SV2C: variants seen among roughly 807,000 people sequenced by gnomAD.
SV2C encodes the protein solute carrier family 22 member B3.
SV2C carries 49 observed loss-of-function variants against 79.7 expected under a neutral mutation model. The ratio of observed to expected loss-of-function variants is 0.61; its 90% confidence interval spans 0.49 to 0.78. The LOEUF is 0.78. Among genes scored for constraint, SV2C ranks in the 30% least tolerant of loss-of-function variants. The pLI, the probability that SV2C is intolerant of heterozygous loss-of-function variation, is 0.00. For missense variants in SV2C, 833 were observed against 912.9 expected (o/e 0.91, Z 1.13); for synonymous variants, 334 against 333.2 (o/e 1.00, Z -0.03).
At chr5:75,944,795 T>A in the SV2C span, among the ~76,000 whole-genome samples, 1 of 152,130 alleles carries the variant, frequency 6.6e-6, no homozygotes. Flanking sequence ...CCATTTCTTT[T>A]ACAGTTTTTA....
intron 4 of SV2C, among the ~76,000 whole-genome samples, chr5:76,263,779 A>G (rs1746556860): frequency 6.6e-6 from 1 of 152,114 alleles, no homozygotes; most frequent in South Asian, 2.1e-4. Flanking sequence ...AGAATGTTGA[A>G]TATTGGCTCC....
intron 2 of SV2C, among the ~76,000 whole-genome samples, chr5:76,194,572 G>T (rs1427043052): frequency 6.6e-6 from 1 of 152,170 alleles, no homozygotes; most frequent in Non-Finnish European, 1.5e-5. Flanking sequence ...CCCAGGCAAA[G>T]GTTGACCACC....
chr5:75,950,606 T>C, the SV2C span, among the ~76,000 whole-genome samples: 1 of 152,022 alleles, frequency 6.6e-6, no homozygotes, highest in African/African-American at 2.4e-5. Context: ...TATAGACATA[T>C]TGCTTTGAGA....
the SV2C span, among the ~76,000 whole-genome samples, chr5:75,914,391 G>T: frequency 6.6e-6 from 1 of 152,088 alleles, no homozygotes; most frequent in African/African-American, 2.4e-5. Context: ...ATGATGAAGG[G>T]AACTAGCATA....
chr5:76,044,443 G>A, the SV2C span, among the ~76,000 whole-genome samples: 1 of 152,268 alleles, frequency 6.6e-6, no homozygotes, highest in Admixed American at 6.5e-5. Context: ...GGATTGCTGG[G>A]TCAAATGGTA....
At chr5:76,239,274 AATG>A (rs1745708631) in intron 4 of SV2C, among the ~76,000 whole-genome samples, 1 of 152,182 alleles carries the variant, frequency 6.6e-6, no homozygotes, top group African/African-American at 2.4e-5. Flanking sequence ...GAAATGACAG[AATG>A]ATATTTAGTC....
intron 1 of SV2C, among the ~76,000 whole-genome samples, chr5:76,118,989 A>G (rs766135208): frequency 2.0e-5 from 3 of 152,204 alleles, no homozygotes; most frequent in Non-Finnish European, 4.4e-5. Context: ...TCTTAAAAAG[A>G]AAAGAAAAGG....
chr5:76,137,388 C>A lies in SV2C; in HGVS notation c.580+5058C>A, dbSNP rs147057769. Among the ~76,000 whole-genome samples the A allele has an allele frequency of 9.2e-5, 14 of 152,154 alleles. No homozygotes were observed. The East Asian group carries it at 1.2e-3, about 13-fold the overall frequency. ...AAATTTGGTGAATGAGAAAGATAAG[C>A]AGGTAGTTGAGGATGATAGCCAAGG... On this transcript the variant is annotated intron_variant, in intron 2 of 12. Transcript: ENST00000502798.
intron 4 of SV2C, among the ~76,000 whole-genome samples, chr5:76,284,676 A>C (rs1747292702): frequency 6.6e-6 from 1 of 152,198 alleles, no homozygotes; most frequent in Admixed American, 6.5e-5. Flanking sequence ...GAAGGGAAGC[A>C]AGGGAAATAA....
the SV2C span, among the ~76,000 whole-genome samples, chr5:75,888,486 TAC>T: frequency 6.6e-6 from 1 of 152,176 alleles, no homozygotes; most frequent in South Asian, 2.1e-4. Context: ...CTTCCCCAAA[TAC>T]ACACATTTTC....
intron 12 of SV2C, among the ~76,000 whole-genome samples, chr5:76,351,109 G>A (rs538186095): frequency 9.9e-5 from 15 of 152,190 alleles, no homozygotes; most frequent in South Asian, 4.1e-4. Flanking sequence ...TTGAATGGCC[G>A]GGGAAGGCAG....
chr5:76,291,933 T>C lies in SV2C; in HGVS notation c.1337+77T>C, dbSNP rs1008968365. ...TAACTCCTAGCCATGCTGCTTTCTTTTCTGATACTGCTTGATGCTGTTAAC... is the reference window on the plus strand; with the variant it reads ...TAACTCCTAGCCATGCTGCTTTCTTCTCTGATACTGCTTGATGCTGTTAAC... On this transcript the variant is annotated intron_variant, in intron 8 of 12. Coordinates refer to ENST00000502798, the MANE Select transcript of SV2C (RefSeq NM_014979.4). The C allele has an allele frequency of 4.7e-6, 5 of 1,070,020 alleles. No homozygotes were observed. In the Admixed American group the frequency reaches 8.6e-5, roughly 18 times the overall value. 66.3% of individuals were successfully genotyped at this position (1,070,020 alleles called of 1,614,324 possible).
At chr5:76,003,707 C>T in the SV2C span, among the ~76,000 whole-genome samples, 4 of 151,942 alleles carry the variant, frequency 2.6e-5, no homozygotes, top group African/African-American at 9.7e-5. Flanking sequence ...GAAAATGGAA[C>T]CAAGTGGTGA....
chr5:76,026,203 C>CAA, the SV2C span, among the ~76,000 whole-genome samples: 37 of 120,964 alleles, frequency 3.1e-4, no homozygotes, highest in African/African-American at 1.0e-3. Context: ...AATTTACAAA[C>CAA]ACACACACAC....
the SV2C span, among the ~76,000 whole-genome samples, chr5:75,994,030 T>G: frequency 2.6e-5 from 4 of 152,084 alleles, no homozygotes; most frequent in Non-Finnish European, 5.9e-5. Context: ...AAAATCCCAA[T>G]GATAGTCTAC....
At chr5:75,932,924 G>T in the SV2C span, among the ~76,000 whole-genome samples, 1 of 152,236 alleles carries the variant, frequency 6.6e-6, no homozygotes, top group South Asian at 2.1e-4. Context: ...AATAAATGAT[G>T]ACAATGGCAT....
At chr5:76,009,506 A>G in the SV2C span, among the ~76,000 whole-genome samples, 1 of 152,354 alleles carries the variant, frequency 6.6e-6, no homozygotes, top group South Asian at 2.1e-4. Flanking sequence ...ACATGGAATC[A>G]ACCCAGGTGC....
chr5:76,154,945 G>C (rs964524522), intron 2 of SV2C, among the ~76,000 whole-genome samples: 1 of 152,166 alleles, frequency 6.6e-6, no homozygotes, highest in African/African-American at 2.4e-5. Context: ...AATAAAAGAG[G>C]AGGGTAGATA....
intron 1 of SV2C, among the ~76,000 whole-genome samples, chr5:76,086,169 T>C (rs1486264804): frequency 1.3e-5 from 2 of 152,196 alleles, no homozygotes; most frequent in Non-Finnish European, 1.5e-5. Flanking sequence ...TTATTAACCC[T>C]ATCATATTCC....
Sources: gnomAD v4.1 joint callset for allele counts (sites outside exome capture counted in the v4.1 genomes callset) on GRCh38, gnomAD v4.1.1 for gene constraint, MANE v1.5 for transcripts, NCBI Gene and HGNC (gene_info 2026-07-23, HGNC 2026-07-21) for gene names.